SAXO1: variants seen among roughly 807,000 people sequenced by gnomAD.
SAXO1 encodes the protein stabilizer of axonemal microtubules 1.
A neutral mutation model predicts 17.5 loss-of-function variants in SAXO1; 21 were observed. The observed-to-expected ratio is 1.20, with a 90% CI of 0.85 to 1.72. The LOEUF (loss-of-function observed/expected upper bound fraction) is 1.72. SAXO1 is among the 40% of genes most tolerant of loss of function. SAXO1 has a pLI of 0.00. For missense variants in SAXO1, 843 were observed against 596.0 expected, an observed-to-expected ratio of 1.41 and a Z score of -4.32; for synonymous variants, 274 against 216.5, an observed-to-expected ratio of 1.27 and a Z score of -2.33.
chr9:19,027,363 C>T, intron 1 of SAXO1: 1 of 778,006 alleles, frequency 1.3e-6, no homozygotes, highest in Non-Finnish European at 2.4e-6. Flanking sequence ...GGGTGAAGGC[C>T]ACAGAGGTGG....
intron 1 of SAXO1, among the ~76,000 whole-genome samples, chr9:18,978,187 C>T (rs975918373): frequency 6.6e-6 from 1 of 152,048 alleles, no homozygotes. Flanking sequence ...CAGGTCCTTT[C>T]TTGGATCCAC....
chr9:18,943,541 C>G (rs923290901), intron 2 of SAXO1, among the ~76,000 whole-genome samples: 1 of 152,220 alleles, frequency 6.6e-6, no homozygotes, highest in African/African-American at 2.4e-5. Context: ...AAAACTCCAT[C>G]TGAAAACCAG....
At chr9:19,000,322 G>C (rs1331433178) in intron 1 of SAXO1, among the ~76,000 whole-genome samples, 3 of 149,030 alleles carry the variant, frequency 2.0e-5, no homozygotes, top group Non-Finnish European at 4.5e-5. Context: ...GAGCGCCTCT[G>C]CCCAGCCACC....
In SAXO1 at chr9:19,019,204, G is replaced by A. The variant is rs1438243537; in HGVS notation, c.38+13667C>T. Among the ~76,000 whole-genome samples, 4 of 152,110 alleles carry A rather than the reference G, an allele frequency of 2.6e-5. No homozygotes were observed. In the East Asian group the frequency reaches 7.7e-4, roughly 29 times the overall value. ...ATTCTTCATATCACATGTACCCATA[G>A]CTCTCTGTAGAAGCCTTTCAAGTCC... is the stretch of plus-strand genomic sequence containing the variant. On this transcript the variant is annotated intron_variant, in intron 1 of 3. Transcript: ENST00000380534.
chr9:19,012,857 G>A (rs142486606), intron 1 of SAXO1, among the ~76,000 whole-genome samples: 570 of 152,300 alleles, frequency 3.7e-3, no homozygotes, highest in African/African-American at 0.013. Context: ...AATATTAAGG[G>A]AGGCGCTGCG....
chr9:18,941,863 G>C, intron 2 of SAXO1, 24 bp from the exon 3 acceptor site: 1 of 1,611,166 alleles, frequency 6.2e-7, no homozygotes. Flanking sequence ...AGTGCATGCT[G>C]TTGGGGTCCT....
In SAXO1 at chr9:19,013,099, G is replaced by A. The variant is rs145885703; in HGVS notation, c.38+19772C>T. On this transcript the variant is annotated intron_variant, in intron 1 of 3. Transcript: ENST00000380534. Reference sequence around the variant, plus strand: ...TCTTGCATGCCTTTTCATCAAACTGGCCTTCCAGATAGATCCTGGAGGGGA... The same window carrying A: ...TCTTGCATGCCTTTTCATCAAACTGACCTTCCAGATAGATCCTGGAGGGGA... Among the ~76,000 whole-genome samples the A allele has an allele frequency of 3.2e-3, 484 of 152,088 alleles. 3 individuals carry two copies. The highest frequency in any genetic ancestry group is 0.011 in the African/African-American group (456 of 41,476).
chr9:18,993,709 C>T (rs780545694), intron 1 of SAXO1, among the ~76,000 whole-genome samples: 8 of 152,238 alleles, frequency 5.3e-5, no homozygotes, highest in Non-Finnish European at 2.9e-5. Flanking sequence ...GAAGGCAAGG[C>T]GAACCAACAG....
chr9:19,022,382 G>A (rs569240310), intron 1 of SAXO1, among the ~76,000 whole-genome samples: 4 of 152,224 alleles, frequency 2.6e-5, no homozygotes, highest in Non-Finnish European at 5.9e-5. Flanking sequence ...GAATCCACCA[G>A]AAGGAACCAA....
At chr9:19,007,149 C>T (rs1221383486) in intron 1 of SAXO1, among the ~76,000 whole-genome samples, 1 of 151,882 alleles carries the variant, frequency 6.6e-6, no homozygotes, top group South Asian at 2.1e-4. Context: ...GAGATCGAGA[C>T]CATCCTGGCC....
chr9:19,020,629 G>A (rs1485597332), intron 1 of SAXO1, among the ~76,000 whole-genome samples: 1 of 152,182 alleles, frequency 6.6e-6, no homozygotes, highest in Non-Finnish European at 1.5e-5. Flanking sequence ...AAAATGCTAG[G>A]ATTACAGGTG....
intron 3 of SAXO1, among the ~76,000 whole-genome samples, chr9:18,931,778 T>G (rs564394121): frequency 2.0e-5 from 3 of 152,360 alleles, no homozygotes; most frequent in Admixed American, 2.0e-4. Context: ...CTAATGATGT[T>G]GAGTATCTCT....
intron 1 of SAXO1, among the ~76,000 whole-genome samples, chr9:19,023,204 G>T (rs922047833): frequency 1.6e-5 from 2 of 128,066 alleles, no homozygotes; most frequent in Middle Eastern, 5.7e-3. Flanking sequence ...TTACATGCAA[G>T]TTAGTAAACA....
At chr9:18,931,946 A>C (rs1370464067) in intron 3 of SAXO1, among the ~76,000 whole-genome samples, 1 of 152,164 alleles carries the variant, frequency 6.6e-6, no homozygotes, top group African/African-American at 2.4e-5. Context: ...ATTTTTTTCC[A>C]AGTCTATCAC....
In SAXO1 at chr9:19,049,293, C is replaced by G. The variant is rs546700100; in HGVS notation, c.-242G>C. Reference sequence around the variant, plus strand: ...TTCCATCTTAGGGCTCACGCCGCCCCGGTTAGGTTTCATTAGAGCAGCGGC... The same window carrying G: ...TTCCATCTTAGGGCTCACGCCGCCCGGGTTAGGTTTCATTAGAGCAGCGGC... On this transcript the variant is annotated 5_prime_UTR_variant, in exon 1 of 4. Transcript: ENST00000542071. This position sits in a 1 kb window ranked among gnomAD's most constrained non-coding sequence, Gnocchi z 5.4. 165 of 192,512 alleles carry G rather than the reference C, an allele frequency of 8.6e-4. 3 individuals are homozygous for G. In the South Asian group the frequency reaches 0.017, roughly 20 times the overall value. The allele number at this position is 192,512 out of a possible 1,614,324, so 11.9% of individuals were successfully genotyped here.
At chr9:19,013,288 T>C (rs1834830963) in intron 1 of SAXO1, among the ~76,000 whole-genome samples, 2 of 152,300 alleles carry the variant, frequency 1.3e-5, no homozygotes, top group Non-Finnish European at 2.9e-5. Context: ...TCTTCACCAC[T>C]GCGGGGGTAA....
At chr9:19,036,629 C>A (rs183080760), upstream of SAXO1, among the ~76,000 whole-genome samples, 11 of 152,276 alleles carry the variant, frequency 7.2e-5, no homozygotes, top group Admixed American at 2.6e-4. Flanking sequence ...GGTGTTAAGC[C>A]TGTGAGTGCA....
At chr9:19,030,806 G>C (rs1167517104) in intron 1 of SAXO1, among the ~76,000 whole-genome samples, 1 of 152,220 alleles carries the variant, frequency 6.6e-6, no homozygotes, top group African/African-American at 2.4e-5. Flanking sequence ...AAGATTGCTG[G>C]CACCATGAAT....
In SAXO1 at chr9:18,928,839, G is replaced by T; in HGVS notation, c.638C>A (p.Ala213Asp). Residue 213 changes from alanine (A) to aspartate (D), a missense_variant, in exon 4 of 4, where the codon GCC (alanine) becomes GAC (aspartate). Physicochemically the swap from Ala to Asp is moderately radical, Grantham distance 126. Coordinates refer to ENST00000380534, the MANE Select transcript of SAXO1 (RefSeq NM_153707.4). Reference sequence around the variant, plus strand: ...CACAAAGCGCTTCTCCACGGGGTGGGCCACATAGCTCATCTTGTAGTTAGT... The same window carrying T: ...CACAAAGCGCTTCTCCACGGGGTGGTCCACATAGCTCATCTTGTAGTTAGT... ...DVTNYKMSYV[A>D]HPVEKRFVHE... 1 of 1,614,152 alleles carries T rather than the reference G, an allele frequency of 6.2e-7. No individual in the cohort carries two copies. Among genetic ancestry groups the T allele is most frequent in the East Asian group, 2.2e-5 (1 of 44,880 alleles).
Sources: allele counts gnomAD v4.1 joint callset (sites outside exome capture counted in the v4.1 genomes callset), GRCh38; gene constraint gnomAD v4.1.1; non-coding constraint Gnocchi (gnomAD v3.1); transcripts MANE v1.5; gene names NCBI Gene and HGNC (gene_info 2026-07-23, HGNC 2026-07-21).